METTL23: variants seen among roughly 807,000 people sequenced by gnomAD.
METTL23 encodes the protein methyltransferase 23, arginine.
Under a neutral mutation model 21.2 loss-of-function variants are expected in METTL23, and 24 were observed. The observed-to-expected ratio is 1.13, with a 90% CI of 0.82 to 1.59. The LOEUF is 1.59. METTL23 is among the 40% of genes most tolerant of loss of function. The probability of loss-of-function intolerance (pLI) is 0.00; values close to 1 mark genes in which losing one functional copy is unlikely to be tolerated. For missense variants in METTL23, 276 were observed against 221.4 expected (o/e 1.25, Z -1.57); for synonymous variants, 97 against 75.2 (o/e 1.29, Z -1.50).
chr17:76,733,793 G>A lies in METTL23; in HGVS notation c.*107G>A, dbSNP rs993893111. 3.1e-6 allele frequency: 3 copies of A among 964,722 alleles called. No individual in the cohort carries two copies. The highest frequency in any genetic ancestry group is 3.3e-5 in the African/African-American group (2 of 60,714). The allele number at this position is 964,722 out of a possible 1,614,324, so 59.8% of individuals were successfully genotyped here. A position where few individuals can be genotyped will look rare whatever the true frequency, so the allele number is the denominator to read the frequency against. On this transcript the variant is annotated 3_prime_UTR_variant, in exon 5 of 5. Transcript: ENST00000341249. ...TTGAGAATGCAGTGGGTCTGAAGAT[G>A]GTCAAGTCTGTTTGCCTTAGATTTT...
At chr17:76,727,599 T>C (rs2076999931) in intron 1 of METTL23, among the ~76,000 whole-genome samples, 1 of 152,260 alleles carries the variant, frequency 6.6e-6, no homozygotes, top group Non-Finnish European at 1.5e-5. Context: ...TGATTCATCC[T>C]TATCTCTCAC....
rs527442928 is a variant in METTL23 at position 76,733,143 on chromosome 17, A to G, written c.250A>G (p.Ile84Val). 3.0e-5 allele frequency: 49 copies of G among 1,613,914 alleles called. No individual in the cohort carries two copies. Among genetic ancestry groups the G allele is most frequent in the African/African-American group, 1.7e-4 (13 of 75,056 alleles). Residue 84 changes from isoleucine to valine, a missense_variant, in exon 3 of 5, where the codon ATA (isoleucine) becomes GTA (valine). By Grantham distance (29) the Ile-to-Val change is conservative. Coordinates refer to ENST00000341249, the MANE Select transcript of METTL23 (RefSeq NM_001080510.5). ...LQVVGLTWGH[I>V]SWDLLALPPQ... Reference sequence around the variant, plus strand: ...GGTGGTAGGACTAACATGGGGTCATATATCTTGGGATCTTCTGGCTCTACC... The same window carrying G: ...GGTGGTAGGACTAACATGGGGTCATGTATCTTGGGATCTTCTGGCTCTACC...
chr17:76,726,671 G>T, upstream of METTL23: 1 of 708,968 alleles, frequency 1.4e-6, no homozygotes, highest in Non-Finnish European at 2.2e-6. Context: ...GCAAGCGGCC[G>T]CCGTCTTCCC....
At chr17:76,726,421 C>A (rs2076937106), upstream of METTL23, 1 of 1,604,708 alleles carries the variant, frequency 6.2e-7, no homozygotes, top group Admixed American at 1.7e-5. Flanking sequence ...TCCTTGAGCT[C>A]CGGCCGCGCA....
intron 1 of METTL23, among the ~76,000 whole-genome samples, chr17:76,729,203 G>C (rs1021596029): frequency 1.3e-5 from 2 of 151,608 alleles, no homozygotes; most frequent in African/African-American, 2.4e-5. Context: ...CGATTTTCCC[G>C]CCTCAGCTGG....
At chr17:76,726,501 C>T (rs2076940702), upstream of METTL23, 1 of 1,581,140 alleles carries the variant, frequency 6.3e-7, no homozygotes, top group Non-Finnish European at 8.6e-7. Context: ...GCTGGTTCCG[C>T]TACGACCTCG....
At chr17:76,730,288 CAAAAAA>C (rs545846283) in intron 2 of METTL23, among the ~76,000 whole-genome samples, 1 of 130,912 alleles carries the variant, frequency 7.6e-6, no homozygotes, top group East Asian at 2.2e-4. Flanking sequence ...GACTCCATCT[CAAAAAA>C]AAAAAAAAGT....
intron 2 of METTL23, among the ~76,000 whole-genome samples, chr17:76,731,636 G>C (rs1187872113): frequency 1.3e-5 from 2 of 152,136 alleles, no homozygotes; most frequent in Admixed American, 1.3e-4. Context: ...CTCACTACCT[G>C]GCCTCAGACT....
chr17:76,733,488 A>G (rs879085749), intron 4 of METTL23, 33 bp from the exon 5 acceptor site: 5 of 1,601,738 alleles, frequency 3.1e-6, no homozygotes, highest in Non-Finnish European at 3.4e-6. Context: ...CAGAAAAGGC[A>G]TGACTTTAAA....
At position 76,733,596 on chromosome 17, in the gene METTL23, T is replaced by G; in HGVS notation, c.483T>G (p.Asp161Glu). The G allele has an allele frequency of 6.2e-7, 1 of 1,613,934 alleles. No homozygotes were observed. Among genetic ancestry groups the G allele is most frequent in the Admixed American group, 1.7e-5 (1 of 60,020 alleles). ...TCCACATTCCTCTTGAGTCTTTTGATGCAGACAAAGAAGATATAGCAGAAT... is the reference window on the plus strand; with the variant it reads ...TCCACATTCCTCTTGAGTCTTTTGAGGCAGACAAAGAAGATATAGCAGAAT... ...KCVHIPLESF[D>E]ADKEDIAEST... The change falls in exon 5 of 5, where the codon GAT becomes GAG. Residue 161 changes from aspartate to glutamate, a missense_variant. Physicochemically the swap from Asp to Glu is conservative, Grantham distance 45. Coordinates refer to ENST00000341249, the MANE Select transcript of METTL23 (RefSeq NM_001080510.5).
chr17:76,733,682 T>C lies in METTL23; in HGVS notation c.569T>C (p.Leu190Pro), dbSNP rs147321492. The change falls in exon 5 of 5, where the codon CTC (leucine) becomes CCC (proline). Residue 190 changes from leucine to proline, a missense_variant. Physicochemically the swap from Leu to Pro is moderately conservative, Grantham distance 98. Transcript: ENST00000341249. ...GTCATTTCCTTTGCAAAGGACAGTC[T>C]CTGAATTATACCTACAACCTGTTCT... ...MLVISFAKDS[L>P] 7,441 of 1,612,436 alleles carry C rather than the reference T, an allele frequency of 4.6e-3. 41 individuals are homozygous for C. Among genetic ancestry groups the C allele is most frequent in the Non-Finnish European group, 4.7e-3 (5,513 of 1,179,264 alleles).
chr17:76,728,472 A>ACAATCT (rs1331361552), intron 1 of METTL23, among the ~76,000 whole-genome samples: 2 of 143,158 alleles, frequency 1.4e-5, no homozygotes, highest in African/African-American at 5.4e-5. Context: ...GTGCAGTGGC[A>ACAATCT]CAATCTCAGC....
Position 76,732,975 on chromosome 17 carries a change from T to C in METTL23, c.85-3T>C. 1.9e-6 allele frequency: 3 copies of C among 1,562,376 alleles called. No homozygotes were observed. Among genetic ancestry groups the C allele is most frequent in the Non-Finnish European group, 2.6e-6 (3 of 1,151,544 alleles). On this transcript the variant is annotated splice_polypyrimidine_tract_variant and splice_region_variant and intron_variant, in intron 2 of 4. Transcript: ENST00000341249. ...TGAAATGCCATCTTTCATAACTTAT[T>C]AGATTGGAGCTGGAGTGAGCCTTCC...
chr17:76,730,302 A>G (rs939541705), intron 2 of METTL23, among the ~76,000 whole-genome samples: 1 of 151,630 alleles, frequency 6.6e-6, no homozygotes, highest in Non-Finnish European at 1.5e-5. Flanking sequence ...AAAAAAAAAA[A>G]GTGGTTTTTT....
rs1347615812 is a variant in METTL23 at position 76,727,011 on chromosome 17, C to T, written c.-189C>T. 6 of 456,072 alleles carry T rather than the reference C, an allele frequency of 1.3e-5. No homozygotes were observed. The highest frequency in any genetic ancestry group is 2.2e-5 in the Non-Finnish European group (5 of 226,748). The allele number at this position is 456,072 out of a possible 1,614,324, so 28.3% of individuals were successfully genotyped here. ...GCCCGCGGCTTCCCGCTCGCGCAGT[C>T]TGGCAGCCCGGAGCCTTCCGCGGTC... On this transcript the variant is annotated 5_prime_UTR_variant, in exon 1 of 5. Coordinates refer to ENST00000341249, the MANE Select transcript of METTL23 (RefSeq NM_001080510.5).
At position 76,733,311 on chromosome 17, in the gene METTL23, C is replaced by G. The variant is rs1223287302; in HGVS notation, c.341C>G (p.Ala114Gly). The change falls in exon 4 of 5, where the codon GCT (alanine) becomes GGT (glycine). Residue 114 changes from alanine to glycine, a missense_variant. Physicochemically the swap from Ala to Gly is moderately conservative, Grantham distance 60. Transcript: ENST00000341249. ...FEPEDFEDIL[A>G]TIYFLMHKNP... ...TCCTCAGATTTTGAAGACATTTTGG[C>G]TACAATATATTTTTTGATGCACAAG... 6.2e-7 allele frequency: 1 copy of G among 1,613,902 alleles called. No individual in the cohort carries two copies. The highest frequency in any genetic ancestry group is 8.5e-7 in the Non-Finnish European group (1 of 1,179,858).
intron 2 of METTL23, among the ~76,000 whole-genome samples, chr17:76,732,154 T>TC (rs2077235095): frequency 6.9e-6 from 1 of 145,396 alleles, no homozygotes; most frequent in South Asian, 2.1e-4. Flanking sequence ...GGTCAGGAGT[T>TC]CAAGACCAGC....
At chr17:76,726,264 G>T, upstream of METTL23, 6 of 1,467,494 alleles carry the variant, frequency 4.1e-6, no homozygotes, top group Non-Finnish European at 5.4e-6. Context: ...CTCGGGGCGA[G>T]GGCAGCCTCG....
intron 2 of METTL23, among the ~76,000 whole-genome samples, chr17:76,730,676 TTA>T (rs1417487156): frequency 6.6e-6 from 1 of 152,140 alleles, no homozygotes; most frequent in Non-Finnish European, 1.5e-5. Context: ...TAACAGAAAT[TTA>T]TGTCTCTTGC....
Sources: gnomAD v4.1 joint callset for allele counts (sites outside exome capture counted in the v4.1 genomes callset) on GRCh38, gnomAD v4.1.1 for gene constraint, MANE v1.5 for transcripts, NCBI Gene and HGNC (gene_info 2026-07-23, HGNC 2026-07-21) for gene names.